The following CSMD3 variants were observed in gnomAD, a reference collection of about 807,000 sequenced individuals.
CSMD3 encodes CUB and sushi domain-containing protein 3.
A neutral mutation model predicts 435.2 loss-of-function variants in CSMD3; 177 were observed. That is an observed-to-expected ratio of 0.41 (90% CI 0.36 to 0.46). CSMD3 has a LOEUF of 0.46. CSMD3 is among the 20% of genes least tolerant of loss of function. The probability of loss-of-function intolerance (pLI) is 0.34; values close to 1 mark genes in which losing one functional copy is unlikely to be tolerated. For missense variants in CSMD3, 4,265 were observed against 4,504.6 expected (o/e 0.95, Z 1.52); for synonymous variants, 1,656 against 1,520.5 (o/e 1.09, Z -2.07).
chr8:113,343,914 A>G (rs888978906), intron 1 of CSMD3, among the ~76,000 whole-genome samples: 10 of 152,142 alleles, frequency 6.6e-5, no homozygotes, highest in African/African-American at 7.2e-5. Context: ...AATTCAGAAA[A>G]CAAACAGAAA....
intron 6 of CSMD3, among the ~76,000 whole-genome samples, chr8:112,994,322 A>G (rs1006452279): frequency 1.3e-5 from 2 of 151,750 alleles, no homozygotes; most frequent in Non-Finnish European, 2.9e-5. Flanking sequence ...CTACTAGCAG[A>G]AAGTGGGCTG....
chr8:112,348,045 G>A (rs6995491), intron 40 of CSMD3, among the ~76,000 whole-genome samples: 16,010 of 151,904 alleles, frequency 0.11, 1,973 homozygotes, highest in African/African-American at 0.3. Context: ...AACCAAAAGA[G>A]AAAAAGAAAA....
intron 30 of CSMD3, among the ~76,000 whole-genome samples, chr8:112,495,391 T>C (rs1239107214): frequency 1.3e-5 from 2 of 152,220 alleles, no homozygotes; most frequent in Non-Finnish European, 2.9e-5. Context: ...TGTTTCAATA[T>C]AATGTCAGTG....
intron 6 of CSMD3, among the ~76,000 whole-genome samples, chr8:113,004,514 C>A (rs2085982771): frequency 6.6e-6 from 1 of 151,830 alleles, no homozygotes; most frequent in Non-Finnish European, 1.5e-5. Context: ...CCTTTATTTG[C>A]AAAATAAGAT....
chr8:112,638,571 T>C (rs920368257), intron 21 of CSMD3, 125 bp downstream of exon 21: 3 of 684,156 alleles, frequency 4.4e-6, no homozygotes, highest in African/African-American at 3.6e-5. Context: ...CTTTGCTTTC[T>C]TCTTTTTAAA....
chr8:112,313,804 T>C (rs1459301998), intron 49 of CSMD3, 102 bp downstream of exon 49: 2 of 899,580 alleles, frequency 2.2e-6, no homozygotes, highest in East Asian at 2.4e-5. Flanking sequence ...GGAGGAGCTG[T>C]GATTTGAATT....
intron 32 of CSMD3, among the ~76,000 whole-genome samples, chr8:112,463,216 G>T (rs1817628183): frequency 1.3e-5 from 2 of 152,098 alleles, no homozygotes; most frequent in Non-Finnish European, 2.9e-5. Context: ...ACAAAAATTA[G>T]CTGGGTGTGG....
chr8:112,850,188 T>G (rs558623916), intron 11 of CSMD3, among the ~76,000 whole-genome samples: 4 of 152,170 alleles, frequency 2.6e-5, no homozygotes, highest in Non-Finnish European at 5.9e-5. Context: ...TATTTTTCAG[T>G]GTGTGCTACT....
chr8:112,431,139 A>T (rs1813660965), intron 32 of CSMD3, among the ~76,000 whole-genome samples: 1 of 152,088 alleles, frequency 6.6e-6, no homozygotes, highest in Non-Finnish European at 1.5e-5. Flanking sequence ...AAAAGGAAGA[A>T]ATGAAACTGA....
chr8:112,385,626 G>T (rs1829871317), intron 36 of CSMD3, among the ~76,000 whole-genome samples: 1 of 152,184 alleles, frequency 6.6e-6, no homozygotes, highest in Non-Finnish European at 1.5e-5. Context: ...AGAGACTCAA[G>T]TGTATTGGAG....
At chr8:112,739,296 A>C (rs1157944862) in intron 13 of CSMD3, among the ~76,000 whole-genome samples, 1 of 151,712 alleles carries the variant, frequency 6.6e-6, no homozygotes, top group Non-Finnish European at 1.5e-5. Context: ...AATTTTCTGC[A>C]GTTTCCTATT....
At chr8:112,468,411 C>T (rs186177571) in intron 32 of CSMD3, among the ~76,000 whole-genome samples, 6 of 152,000 alleles carry the variant, frequency 3.9e-5, no homozygotes, top group Admixed American at 3.9e-4. Context: ...TGACTGTCAT[C>T]CTATATATTT....
intron 45 of CSMD3, among the ~76,000 whole-genome samples, chr8:112,331,647 A>T (rs1824072928): frequency 6.6e-6 from 1 of 152,010 alleles, no homozygotes; most frequent in African/African-American, 2.4e-5. Flanking sequence ...AAGAAAATAC[A>T]CAAAAATATT....
chr8:112,371,848 C>T (rs1828426212), intron 38 of CSMD3, among the ~76,000 whole-genome samples: 1 of 151,708 alleles, frequency 6.6e-6, no homozygotes, highest in East Asian at 1.9e-4. Context: ...AGATCACGCA[C>T]CATTGCACTC....
intron 29 of CSMD3, among the ~76,000 whole-genome samples, 193 bp from the exon 30 acceptor site, chr8:112,504,170 GA>G (rs1270582623): frequency 3.3e-5 from 5 of 151,834 alleles, no homozygotes; most frequent in Non-Finnish European, 7.4e-5. Flanking sequence ...ATAAGCAGGG[GA>G]AAAAGAAAAA....
intron 9 of CSMD3, among the ~76,000 whole-genome samples, chr8:112,937,096 T>G (rs1040429182): frequency 6.6e-6 from 1 of 152,136 alleles, no homozygotes; most frequent in East Asian, 1.9e-4. Context: ...TATCTTCTTT[T>G]AAGTTTGCCT....
chr8:112,800,418 A>G, intron 12 of CSMD3, 144 bp from the exon 13 acceptor site: 3 of 677,316 alleles, frequency 4.4e-6, no homozygotes, highest in Non-Finnish European at 8.0e-6. Context: ...TTGATGTGAC[A>G]GAAGAAAAAA....
intron 6 of CSMD3, among the ~76,000 whole-genome samples, chr8:112,976,420 T>A (rs2084851672): frequency 6.6e-6 from 1 of 152,092 alleles, no homozygotes; most frequent in Non-Finnish European, 1.5e-5. Flanking sequence ...ACCCTTTATG[T>A]GGCCCTGAAT....
intron 32 of CSMD3, among the ~76,000 whole-genome samples, chr8:112,424,852 C>T (rs1401943006): frequency 6.6e-6 from 1 of 152,072 alleles, no homozygotes; most frequent in African/African-American, 2.4e-5. Flanking sequence ...CCACAATGCC[C>T]AGCTAATTTT....
Sources: gnomAD v4.1 joint callset for allele counts (sites outside exome capture counted in the v4.1 genomes callset) on GRCh38, gnomAD v4.1.1 for gene constraint, MANE v1.5 for transcripts, NCBI Gene and HGNC (gene_info 2026-07-23, HGNC 2026-07-21) for gene names.